Variants in UNC79 observed in about 807,000 individuals in gnomAD.
UNC79 encodes unc-79 subunit of NALCN channel complex.
UNC79 carries 37 observed loss-of-function variants against 283.1 expected under a neutral mutation model. The ratio of observed to expected loss-of-function variants is 0.13; its 90% confidence interval spans 0.10 to 0.17. The LOEUF is 0.17. UNC79 is among the 10% of genes least tolerant of loss of function. The pLI is 1.00. For synonymous variants in UNC79, 1,107 were observed against 1,200.2 expected (o/e 0.92, Z 1.61); for missense variants, 2,272 against 3,211.1 (o/e 0.71, Z 7.07).
At chr14:93,516,440 A>C (rs2060056852) in intron 7 of UNC79, among the ~76,000 whole-genome samples, 1 of 75,230 alleles carries the variant, frequency 1.3e-5, no homozygotes, top group Non-Finnish European at 2.5e-5. Flanking sequence ...ATCTGCTTGG[A>C]TATTTTTTTT....
intron 1 of UNC79, among the ~76,000 whole-genome samples, chr14:93,449,930 T>TA (rs1354427323): frequency 1.8e-4 from 27 of 152,194 alleles, no homozygotes; most frequent in African/African-American, 6.3e-4. Flanking sequence ...TAAATGGGTG[T>TA]ACGTTATTAT....
Position 93,571,716 on chromosome 14 carries a change from A to G in UNC79, c.1756-178A>G, listed in dbSNP as rs553455692. 2.5e-4 allele frequency among the ~76,000 whole-genome samples: 38 copies of G among 152,324 alleles called. No homozygotes were observed. In the South Asian group the frequency reaches 2.7e-3, roughly 11 times the overall value. On this transcript the variant is annotated intron_variant, in intron 14 of 48. Coordinates refer to ENST00000555664, the Ensembl canonical transcript of UNC79. The stretch of plus-strand genomic sequence containing the variant: ...AACTATGTTTTCCTTTCTGTAACTG[A>G]TGGATCCTGGTGGTTTGCCGTCTTA...
rs1595465793 is a variant in UNC79, at chr14:93,430,916, C to G, written c.-114C>G. ...ACACGGGCCTAAGGGAGGGGGAAAG[C>G]GAGGGGGTGGGGGGTGGGGGGTATG... On this transcript the variant is annotated 5_prime_UTR_variant, in exon 1 of 49. Coordinates refer to ENST00000555664, the Ensembl canonical transcript of UNC79. This position sits in a 1 kb window ranked among gnomAD's most constrained non-coding sequence, Gnocchi z 4.6. 1 of 456,170 alleles carries G rather than the reference C, an allele frequency of 2.2e-6. No homozygotes were observed. 28.3% of individuals were successfully genotyped at this position (456,170 alleles called of 1,614,324 possible).
intron 6 of UNC79, 78 bp downstream of exon 6, chr14:93,496,544 A>G (rs2059021394): frequency 5.8e-6 from 6 of 1,026,288 alleles, no homozygotes; most frequent in Non-Finnish European, 8.1e-6. Flanking sequence ...ACGTATTAAA[A>G]CTGTTGTTTA....
At chr14:93,458,658 T>A (rs1415243619) in intron 1 of UNC79, among the ~76,000 whole-genome samples, 1 of 152,212 alleles carries the variant, frequency 6.6e-6, no homozygotes, top group African/African-American at 2.4e-5. Flanking sequence ...TACTTATTAG[T>A]GTAAATGATA....
chr14:93,667,752 A>G (rs1374820152), intron 40 of UNC79, among the ~76,000 whole-genome samples: 1 of 152,248 alleles, frequency 6.6e-6, no homozygotes, highest in Non-Finnish European at 1.5e-5. Context: ...ATAGGTCAAT[A>G]TCCTTCATAG....
chr14:93,553,092 T>G (rs2141321175), intron 14 of UNC79, among the ~76,000 whole-genome samples: 1 of 152,364 alleles, frequency 6.6e-6, no homozygotes, highest in South Asian at 2.1e-4. Flanking sequence ...AGATTCTTAT[T>G]GCATGTATGC....
intron 26 of UNC79, among the ~76,000 whole-genome samples, chr14:93,604,148 C>T (rs1028451146): frequency 1.3e-5 from 2 of 151,980 alleles, no homozygotes; most frequent in African/African-American, 4.8e-5. Flanking sequence ...TACTAAATCA[C>T]CATACTAATG....
chr14:93,672,428 A>G (rs116122829), intron 40 of UNC79, among the ~76,000 whole-genome samples: 2,010 of 152,298 alleles, frequency 0.013, 42 homozygotes, highest in African/African-American at 0.046. Flanking sequence ...GACAAATATC[A>G]TATGTTCTCA....
chr14:93,572,164 C>A, intron 15 of UNC79, 80 bp downstream of exon 15: 2 of 1,433,784 alleles, frequency 1.4e-6, no homozygotes, highest in Non-Finnish European at 9.3e-7. Flanking sequence ...TGCCGGTCAC[C>A]CTACTAAGCG....
chr14:93,542,133 A>G (rs577749530), intron 13 of UNC79, among the ~76,000 whole-genome samples: 1 of 152,178 alleles, frequency 6.6e-6, no homozygotes, highest in Admixed American at 6.5e-5. Flanking sequence ...ATGTATATAC[A>G]TTATTTTCAT....
chr14:93,686,573 G>C, exon 43 of UNC79: 5 of 1,614,128 alleles, frequency 3.1e-6, no homozygotes, highest in Non-Finnish European at 4.2e-6. Flanking sequence ...GTGTTTCAGT[G>C]TGGGACTGCA....
chr14:93,640,685 G>T (rs987416400), intron 32 of UNC79, among the ~76,000 whole-genome samples: 2 of 152,186 alleles, frequency 1.3e-5, no homozygotes, highest in African/African-American at 4.8e-5. Flanking sequence ...CTGCTTAAGT[G>T]CATGGAGTTC....
chr14:93,497,120 T>A, intron 6 of UNC79, 37 bp from the exon 7 acceptor site: 3 of 1,583,686 alleles, frequency 1.9e-6, no homozygotes, highest in Non-Finnish European at 2.6e-6. Flanking sequence ...TTTTATTTCA[T>A]GATGCTAAGT....
At chr14:93,567,504 G>T (rs1233317242) in intron 14 of UNC79, among the ~76,000 whole-genome samples, 2 of 152,162 alleles carry the variant, frequency 1.3e-5, no homozygotes, top group South Asian at 2.1e-4. Flanking sequence ...TGGGATTACC[G>T]GTGTGAGCCA....
rs190683445 is a variant in UNC79, at chr14:93,358,092, G to C, written c.-351+24569G>C. Among the ~76,000 whole-genome samples the C allele has an allele frequency of 5.2e-3, 795 of 151,544 alleles. 11 individuals are homozygous for C. The highest frequency in any genetic ancestry group is 0.052 in the Middle Eastern group (15 of 290). On this transcript the variant is annotated intron_variant, in intron 1 of 49. Transcript: ENST00000256339. ...TATTAAGGATGGAGTTCTTTCACTG[G>C]TTTTAGGGTTTCTGGAGTTGGTTGC...
intron 7 of UNC79, among the ~76,000 whole-genome samples, chr14:93,523,439 T>A (rs2060414271): frequency 1.3e-5 from 2 of 152,180 alleles, no homozygotes; most frequent in African/African-American, 4.8e-5. Context: ...GTAGAGGACG[T>A]CTTACTATTC....
chr14:93,625,153 T>A (rs930316650), intron 30 of UNC79, among the ~76,000 whole-genome samples: 5 of 152,170 alleles, frequency 3.3e-5, no homozygotes, highest in Admixed American at 6.5e-5. Flanking sequence ...CTTCTGAGTC[T>A]AATGGAAGCC....
intron 3 of UNC79, among the ~76,000 whole-genome samples, chr14:93,476,505 G>C (rs1461932209): frequency 3.3e-5 from 5 of 152,168 alleles, no homozygotes; most frequent in Non-Finnish European, 7.3e-5. Flanking sequence ...TGGCCCTCTA[G>C]TGTGCACTGT....
Sources: allele counts gnomAD v4.1 joint callset (sites outside exome capture counted in the v4.1 genomes callset), GRCh38; gene constraint gnomAD v4.1.1; non-coding constraint Gnocchi (gnomAD v3.1); transcripts MANE v1.5; gene names NCBI Gene and HGNC (gene_info 2026-07-23, HGNC 2026-07-21).